The following SEMA3A variants were observed in gnomAD, a reference collection of about 807,000 sequenced individuals.
SEMA3A encodes semaphorin-3A.
Under a neutral mutation model 97.9 loss-of-function variants are expected in SEMA3A, and 29 were observed. That is an observed-to-expected ratio of 0.30 (90% confidence interval 0.22 to 0.40). The LOEUF is 0.40. SEMA3A is among the 10% of genes least tolerant of loss of function. The pLI, the probability that SEMA3A is intolerant of heterozygous loss-of-function variation, is 1.00. For synonymous variants in SEMA3A, 321 were observed against 323.7 expected (o/e 0.99, Z 0.09); for missense variants, 763 against 951.3 (o/e 0.80, Z 2.60).
At chr7:84,061,469 G>A (rs192536025) in intron 4 of SEMA3A, among the ~76,000 whole-genome samples, 3 of 152,272 alleles carry the variant, frequency 2.0e-5, no homozygotes, top group African/African-American at 7.2e-5. Context: ...ATTCTTTTAA[G>A]AACCAAGTGC....
At chr7:84,177,913 T>C (rs1049950639) in intron 1 of SEMA3A, among the ~76,000 whole-genome samples, 1 of 152,182 alleles carries the variant, frequency 6.6e-6, no homozygotes, top group Non-Finnish European at 1.5e-5. Flanking sequence ...TCTTGTCATC[T>C]TGCTCTTTCA....
chr7:83,967,163 T>A (rs1788729499), intron 15 of SEMA3A, among the ~76,000 whole-genome samples: 1 of 152,102 alleles, frequency 6.6e-6, no homozygotes, highest in Non-Finnish European at 1.5e-5. Flanking sequence ...AAGTAAAAAA[T>A]TTTCTGTTAA....
At chr7:84,131,358 C>G (rs1795956268) in intron 2 of SEMA3A, among the ~76,000 whole-genome samples, 1 of 152,134 alleles carries the variant, frequency 6.6e-6, no homozygotes, top group Non-Finnish European at 1.5e-5. Context: ...TCTCAGTTAA[C>G]TATCTAAATT....
chr7:84,107,200 T>A (rs765182939), intron 4 of SEMA3A, among the ~76,000 whole-genome samples: 11 of 152,218 alleles, frequency 7.2e-5, no homozygotes, highest in Non-Finnish European at 1.6e-4. Context: ...ATAGTAGAAG[T>A]ATACACTGTC....
chr7:84,383,828 A>G (rs1803329613), intron 1 of SEMA3A, among the ~76,000 whole-genome samples: 1 of 152,158 alleles, frequency 6.6e-6, no homozygotes, highest in East Asian at 1.9e-4. Flanking sequence ...TGGAGAGAAA[A>G]CTTTCAGAAA....
chr7:84,316,518 C>T (rs1801504644), intron 2 of SEMA3A, among the ~76,000 whole-genome samples: 1 of 151,836 alleles, frequency 6.6e-6, no homozygotes, highest in South Asian at 2.1e-4. Flanking sequence ...ATATTACCAC[C>T]CTATGAAGTC....
chr7:84,419,366 G>A (rs1475192616), intron 1 of SEMA3A, among the ~76,000 whole-genome samples: 2 of 152,046 alleles, frequency 1.3e-5, no homozygotes, highest in Non-Finnish European at 2.9e-5. Flanking sequence ...ATACAGCTAT[G>A]TATTGTTATT....
At chr7:84,335,122 G>T (rs520536) in intron 2 of SEMA3A, among the ~76,000 whole-genome samples, 2 of 151,684 alleles carry the variant, frequency 1.3e-5, no homozygotes, top group Admixed American at 1.3e-4. Context: ...CTGTAAGATA[G>T]GGAGGATAAA....
In SEMA3A at chr7:84,049,821, A is replaced by G. The variant is rs112029999; in HGVS notation, c.548-3378T>C. 3.0e-3 allele frequency among the ~76,000 whole-genome samples: 443 copies of G among 146,846 alleles called. 2 individuals are homozygous for G. Among genetic ancestry groups the G allele is most frequent in the African/African-American group, 1.0e-2 (396 of 39,616 alleles). The stretch of plus-strand genomic sequence containing the variant: ...GCTGGTGTGCTGCACCCACTAACTC[A>G]TCATCTAGCATTAGGTATATCTCCC... On this transcript the variant is annotated intron_variant, in intron 5 of 16. Coordinates refer to ENST00000265362, the MANE Select transcript of SEMA3A (RefSeq NM_006080.3).
At chr7:84,002,746 A>G (rs1231978585) in intron 11 of SEMA3A, among the ~76,000 whole-genome samples, 2 of 152,150 alleles carry the variant, frequency 1.3e-5, no homozygotes, top group Non-Finnish European at 2.9e-5. Flanking sequence ...ATTTTAGAGA[A>G]TTAAGGAAAT....
At chr7:84,106,522 A>G (rs727650) in intron 4 of SEMA3A, among the ~76,000 whole-genome samples, 65,080 of 152,010 alleles carry the variant, frequency 0.43, 15,027 homozygotes, top group Admixed American at 0.53. Context: ...GCTGTTAAAC[A>G]ACGCATGACT....
intron 3 of SEMA3A, among the ~76,000 whole-genome samples, chr7:84,229,593 T>G (rs1016132711): frequency 6.6e-6 from 1 of 152,100 alleles, no homozygotes; most frequent in Non-Finnish European, 1.5e-5. Flanking sequence ...TTTTTCAGTG[T>G]CTTCAAGTCT....
intron 4 of SEMA3A, among the ~76,000 whole-genome samples, chr7:84,105,201 G>A (rs1038163646): frequency 6.6e-6 from 1 of 152,128 alleles, no homozygotes; most frequent in African/African-American, 2.4e-5. Context: ...GTACCAATTC[G>A]TAGAAATAAA....
intron 4 of SEMA3A, among the ~76,000 whole-genome samples, chr7:84,084,610 T>C (rs150195587): frequency 2.0e-5 from 3 of 152,164 alleles, no homozygotes; most frequent in Admixed American, 2.0e-4. Flanking sequence ...CATAAAATAA[T>C]TCCTATTCTA....
intron 1 of SEMA3A, among the ~76,000 whole-genome samples, chr7:84,485,308 A>G (rs1806547743): frequency 6.6e-6 from 1 of 152,112 alleles, no homozygotes; most frequent in Non-Finnish European, 1.5e-5. Context: ...TGAAAAAATC[A>G]AAGTTTTTTG....
intron 2 of SEMA3A, among the ~76,000 whole-genome samples, chr7:84,337,294 T>G (rs1384054457): frequency 6.6e-6 from 1 of 152,182 alleles, no homozygotes; most frequent in African/African-American, 2.4e-5. Flanking sequence ...TGTTTTACTG[T>G]GCCTAGCACA....
intron 4 of SEMA3A, among the ~76,000 whole-genome samples, chr7:84,070,837 A>G (rs1793713491): frequency 6.6e-6 from 1 of 152,018 alleles, no homozygotes; most frequent in African/African-American, 2.4e-5. Context: ...TTGAGATTAA[A>G]TTCAAAAGTC....
At chr7:84,444,245 T>G (rs1805348968) in intron 1 of SEMA3A, among the ~76,000 whole-genome samples, 1 of 152,148 alleles carries the variant, frequency 6.6e-6, no homozygotes, top group Non-Finnish European at 1.5e-5. Flanking sequence ...CTGTTAAAAT[T>G]CTTTGAAGAA....
intron 2 of SEMA3A, 23 bp downstream of exon 2, chr7:84,134,771 T>C (rs2116043997): frequency 4.6e-6 from 7 of 1,535,946 alleles, no homozygotes; most frequent in South Asian, 1.2e-5. Flanking sequence ...ATAACTATAG[T>C]GCATATATTA....
Sources: gnomAD v4.1 joint callset for allele counts (sites outside exome capture counted in the v4.1 genomes callset) on GRCh38, gnomAD v4.1.1 for gene constraint, MANE v1.5 for transcripts, NCBI Gene and HGNC (gene_info 2026-07-23, HGNC 2026-07-21) for gene names.